EGFR: variants seen among roughly 807,000 people sequenced by gnomAD.
The protein encoded by EGFR is epidermal growth factor receptor, also known as avian erythroblastic leukemia viral (v-erb-b) oncogene homolog.
Under a neutral mutation model 143.0 loss-of-function variants are expected in EGFR, and 58 were observed. That is an observed-to-expected ratio of 0.41 (90% CI 0.33 to 0.50). The LOEUF (loss-of-function observed/expected upper bound fraction) is 0.50, where lower values mean the gene tolerates loss of function less well. Ranked by LOEUF, EGFR falls within the 20% of genes least tolerant of loss-of-function variation. The pLI, the probability that EGFR is intolerant of heterozygous loss-of-function variation, is 0.39. For missense variants in EGFR, 1,307 were observed against 1,579.0 expected (o/e 0.83, Z 2.92); for synonymous variants, 613 against 594.4 (o/e 1.03, Z -0.45).
At position 55,019,024 on chromosome 7, in the gene EGFR, C is replaced by G. The variant is rs1172576600; in HGVS notation, c.-254C>G. 9.3e-6 allele frequency: 2 copies of G among 216,042 alleles called. No individual in the cohort carries two copies. Among genetic ancestry groups the G allele is most frequent in the Non-Finnish European group, 9.0e-6 (1 of 111,470 alleles). 13.4% of individuals were successfully genotyped at this position (216,042 alleles called of 1,614,324 possible). ...CCTCGGCCCGCGCGAGCTAGACGTCCGGGCAGCCCCCGGCGCAGCGCGGCC... is the reference window on the plus strand; with the variant it reads ...CCTCGGCCCGCGCGAGCTAGACGTCGGGGCAGCCCCCGGCGCAGCGCGGCC... On this transcript the variant is annotated 5_prime_UTR_variant, in exon 1 of 28. Transcript: ENST00000275493.
At chr7:55,195,695 C>T (rs559752340) in intron 22 of EGFR, among the ~76,000 whole-genome samples, 29 of 152,238 alleles carry the variant, frequency 1.9e-4, no homozygotes, top group African/African-American at 7.0e-4. Flanking sequence ...CTATAGACCC[C>T]AGTGTGTGTT....
At chr7:55,183,287 G>A (rs776490214) in intron 20 of EGFR, among the ~76,000 whole-genome samples, 3 of 152,156 alleles carry the variant, frequency 2.0e-5, no homozygotes, top group Non-Finnish European at 4.4e-5. Context: ...GATATGTGAA[G>A]TGGTAGATAT....
At chr7:55,051,061 C>A (rs892271407) in intron 1 of EGFR, among the ~76,000 whole-genome samples, 8 of 152,158 alleles carry the variant, frequency 5.3e-5, no homozygotes, top group African/African-American at 1.9e-4. Flanking sequence ...CTGGTCGGCA[C>A]CATGCTAGAA....
At chr7:55,023,629 C>T (rs189738347) in intron 1 of EGFR, among the ~76,000 whole-genome samples, 42 of 126,902 alleles carry the variant, frequency 3.3e-4, no homozygotes, top group African/African-American at 5.3e-4. Flanking sequence ...CCAGCCCGCG[C>T]GACAGTGTGA....
At chr7:55,193,672 G>T (rs915714838) in intron 22 of EGFR, among the ~76,000 whole-genome samples, 4 of 152,188 alleles carry the variant, frequency 2.6e-5, no homozygotes, top group African/African-American at 7.2e-5. Context: ...CATCTACAGC[G>T]ACAGGAGCAA....
At chr7:55,053,745 C>T (rs1166463759) in intron 1 of EGFR, among the ~76,000 whole-genome samples, 5 of 152,246 alleles carry the variant, frequency 3.3e-5, no homozygotes, top group East Asian at 1.9e-4. Flanking sequence ...CCAACCCAGC[C>T]GCTGCTTTGT....
At chr7:55,046,515 C>T (rs181682709) in intron 1 of EGFR, among the ~76,000 whole-genome samples, 101 of 150,640 alleles carry the variant, frequency 6.7e-4, no homozygotes, top group Non-Finnish European at 1.2e-3. Context: ...CAGCATTTGG[C>T]GTGGTGCGTC....
chr7:55,172,626 A>G (rs1376181994), intron 16 of EGFR, among the ~76,000 whole-genome samples: 1 of 152,212 alleles, frequency 6.6e-6, no homozygotes. Flanking sequence ...TACTCTTGGA[A>G]TGAACAAAAT....
chr7:55,034,385 C>T (rs959004287), intron 1 of EGFR, among the ~76,000 whole-genome samples: 1 of 152,294 alleles, frequency 6.6e-6, no homozygotes, highest in South Asian at 2.1e-4. Context: ...AGGTGCCCGC[C>T]ACCACACCTG....
At chr7:55,184,081 C>T (rs1415000567) in intron 20 of EGFR, among the ~76,000 whole-genome samples, 3 of 152,252 alleles carry the variant, frequency 2.0e-5, no homozygotes, top group African/African-American at 4.8e-5. Context: ...GCGCATTCGC[C>T]GTGTGAACGG....
At position 55,109,166 on chromosome 7, in the gene EGFR, G is replaced by A. The variant is rs17336177; in HGVS notation, c.89-33120G>A. Among the ~76,000 whole-genome samples, 40 of 152,272 alleles carry A rather than the reference G, an allele frequency of 2.6e-4. No individual in the cohort carries two copies. In the East Asian group the frequency reaches 7.3e-3, roughly 28 times the overall value. On this transcript the variant is annotated intron_variant, in intron 1 of 27. Coordinates refer to ENST00000275493, the MANE Select transcript of EGFR (RefSeq NM_005228.5). ...ATTCCCAAACCTTGAACATCAGAAA[G>A]GAAATAGATTAATGTGCACAGAGGA...
chr7:55,179,571 G>A (rs557258038), intron 19 of EGFR, among the ~76,000 whole-genome samples: 263 of 152,318 alleles, frequency 1.7e-3, no homozygotes, highest in Non-Finnish European at 3.2e-3. Flanking sequence ...AGGCTGGAGG[G>A]AGGAGGGCAG....
intron 15 of EGFR, among the ~76,000 whole-genome samples, chr7:55,167,668 G>A (rs1277828126): frequency 6.6e-6 from 1 of 152,044 alleles, no homozygotes; most frequent in African/African-American, 2.4e-5. Context: ...TGGTGTTGGT[G>A]GTGAGGAGGT....
chr7:55,134,420 T>A (rs1411030607), intron 1 of EGFR, among the ~76,000 whole-genome samples: 2 of 152,164 alleles, frequency 1.3e-5, no homozygotes, highest in Non-Finnish European at 2.9e-5. Flanking sequence ...ATATCCAGGT[T>A]CAGTTCCAGG....
intron 2 of EGFR, among the ~76,000 whole-genome samples, chr7:55,142,933 T>C (rs1300194671): frequency 6.6e-6 from 1 of 152,236 alleles, no homozygotes; most frequent in African/African-American, 2.4e-5. Context: ...TACTTAGCCT[T>C]CTTCTGTTTT....
chr7:55,130,701 G>A (rs1793779764), intron 1 of EGFR, among the ~76,000 whole-genome samples: 1 of 152,206 alleles, frequency 6.6e-6, no homozygotes, highest in South Asian at 2.1e-4. Flanking sequence ...CATCACAGAG[G>A]GTCAGGCGAG....
At chr7:55,187,107 A>T (rs1391813839) in intron 20 of EGFR, among the ~76,000 whole-genome samples, 1 of 152,204 alleles carries the variant, frequency 6.6e-6, no homozygotes, top group African/African-American at 2.4e-5. Flanking sequence ...GAGGACAGGG[A>T]GGAAACCACC....
At chr7:55,200,217 C>A in intron 23 of EGFR, 99 bp from the exon 24 acceptor site, 1 of 1,139,126 alleles carries the variant, frequency 8.8e-7, no homozygotes, top group Non-Finnish European at 1.3e-6. Flanking sequence ...ACTTATTTGA[C>A]TGGAAGTGTC....
At position 55,173,072 on chromosome 7, in the gene EGFR, G is replaced by A. The variant is rs2128952582; in HGVS notation, c.2009G>A (p.Arg670Lys). 3 of 1,613,496 alleles carry A rather than the reference G, an allele frequency of 1.9e-6. No individual in the cohort carries two copies. Among genetic ancestry groups the A allele is most frequent in the Non-Finnish European group, 2.5e-6 (3 of 1,180,046 alleles). ...CTGGGGATCGGCCTCTTCATGCGAAGGCGCCACATCGTTCGGAAGCGCACG... is the reference window on the plus strand; with the variant it reads ...CTGGGGATCGGCCTCTTCATGCGAAAGCGCCACATCGTTCGGAAGCGCACG... The part of the protein sequence containing the change: ...VALGIGLFMR[R>K]RHIVRKRTLR... The change falls in exon 17 of 28, where the codon AGG becomes AAG. Residue 670 changes from arginine to lysine, a missense_variant. Coordinates refer to ENST00000275493, the MANE Select transcript of EGFR (RefSeq NM_005228.5).
Sources: gnomAD v4.1 joint callset for allele counts (sites outside exome capture counted in the v4.1 genomes callset) on GRCh38, gnomAD v4.1.1 for gene constraint, MANE v1.5 for transcripts, NCBI Gene and HGNC (gene_info 2026-07-23, HGNC 2026-07-21) for gene names.